XKR4: variants seen among roughly 807,000 people sequenced by gnomAD.
XKR4 encodes the protein XK related 4.
In XKR4, 12 loss-of-function variants were observed where a neutral mutation model predicts 53.9. The ratio of observed to expected loss-of-function variants is 0.22; its 90% CI spans 0.14 to 0.36. XKR4 has a LOEUF of 0.36. XKR4 is among the 10% of genes least tolerant of loss of function. The probability of loss-of-function intolerance (pLI) is 1.00; values close to 1 mark genes in which losing one functional copy is unlikely to be tolerated. For missense variants in XKR4, 799 were observed against 859.5 expected (o/e 0.93, Z 0.88); for synonymous variants, 354 against 362.4 (o/e 0.98, Z 0.26).
intron 1 of XKR4, among the ~76,000 whole-genome samples, chr8:55,352,829 G>A (rs935023297): frequency 7.9e-5 from 12 of 152,086 alleles, no homozygotes; most frequent in African/African-American, 2.7e-4. Flanking sequence ...TAAAGGGAGA[G>A]GAAAAGAAAT....
At chr8:55,421,523 G>T (rs1416309476) in intron 2 of XKR4, among the ~76,000 whole-genome samples, 2 of 151,874 alleles carry the variant, frequency 1.3e-5, no homozygotes, top group African/African-American at 4.8e-5. Context: ...TCGCACCTTG[G>T]CATCTCTCTC....
chr8:55,478,874 A>G (rs1806049814), intron 2 of XKR4, among the ~76,000 whole-genome samples: 1 of 152,148 alleles, frequency 6.6e-6, no homozygotes, highest in African/African-American at 2.4e-5. Context: ...TATGCACCCA[A>G]TACAGGAGCA....
chr8:55,197,456 A>G (rs1405636954), intron 1 of XKR4, among the ~76,000 whole-genome samples: 1 of 152,226 alleles, frequency 6.6e-6, no homozygotes, highest in Non-Finnish European at 1.5e-5. Flanking sequence ...ATGTGATTAC[A>G]TGAATGGATA....
At chr8:55,240,834 G>C (rs1171587489) in intron 1 of XKR4, among the ~76,000 whole-genome samples, 4 of 152,184 alleles carry the variant, frequency 2.6e-5, no homozygotes, top group Non-Finnish European at 5.9e-5. Context: ...ATGAAGAAAT[G>C]ATTGAGTTGC....
At chr8:55,429,646 A>G (rs908026770) in intron 2 of XKR4, among the ~76,000 whole-genome samples, 3 of 152,060 alleles carry the variant, frequency 2.0e-5, no homozygotes, top group African/African-American at 7.2e-5. Context: ...TAGAAGGATC[A>G]CTTGAACCCA....
chr8:55,282,319 A>T (rs1189113994), intron 1 of XKR4, among the ~76,000 whole-genome samples: 1 of 152,188 alleles, frequency 6.6e-6, no homozygotes, highest in African/African-American at 2.4e-5. Flanking sequence ...TTTGTGGTGT[A>T]TCTTAGTCAA....
intron 1 of XKR4, among the ~76,000 whole-genome samples, chr8:55,246,598 G>A (rs950697846): frequency 5.9e-5 from 9 of 151,970 alleles, no homozygotes; most frequent in African/African-American, 1.9e-4. Flanking sequence ...TAGCATGCAC[G>A]TTTTCCTTTG....
In XKR4 at chr8:55,524,110, G is replaced by C; in HGVS notation, c.1836G>C (p.Leu612Phe). 1 of 1,614,208 alleles carries C rather than the reference G, an allele frequency of 6.2e-7. No individual in the cohort carries two copies. Residue 612 changes from leucine (L) to phenylalanine (F), a missense_variant, in exon 3 of 3, where the codon TTG (leucine) becomes TTC (phenylalanine). Around this residue, in one of 3 missense-constraint regions of XKR4, gnomAD observed 269 missense variants for 264.4 expected, o/e 1.02. Coordinates refer to ENST00000327381, the MANE Select transcript of XKR4 (RefSeq NM_052898.2). ...NRYPAWERHV[L>F]DRSLRKAILA... ...ACCCAGCATGGGAGAGACATGTTTTGGACCGAAGCCTCCGAAAGGCTATTT... is the reference window on the plus strand; with the variant it reads ...ACCCAGCATGGGAGAGACATGTTTTCGACCGAAGCCTCCGAAAGGCTATTT...
At chr8:55,171,868 T>C (rs1023239554) in intron 1 of XKR4, among the ~76,000 whole-genome samples, 8 of 152,184 alleles carry the variant, frequency 5.3e-5, no homozygotes, top group Non-Finnish European at 8.8e-5. Flanking sequence ...ACCTGCACTA[T>C]GGCCACTGCT....
intron 2 of XKR4, among the ~76,000 whole-genome samples, chr8:55,491,852 A>G (rs1806277298): frequency 6.6e-6 from 1 of 152,122 alleles, no homozygotes. Flanking sequence ...AGCTCTGAGA[A>G]TTGTTCCGTT....
chr8:55,158,955 A>C (rs114312234), intron 1 of XKR4, among the ~76,000 whole-genome samples: 4,626 of 152,198 alleles, frequency 0.03, 183 homozygotes, highest in East Asian at 0.12. Context: ...ATTACCTCGG[A>C]CATTCTGGCT....
At chr8:55,452,971 G>C (rs926047356) in intron 2 of XKR4, 54 of 728,320 alleles carry the variant, frequency 7.4e-5, no homozygotes, top group Middle Eastern at 2.4e-4. Context: ...TCACCGCTCA[G>C]GGATGGCCAC....
chr8:55,115,381 T>TACACACAC lies in XKR4; in HGVS notation c.806+12103_806+12110dup, dbSNP rs34839811. ...TGGAAACTTAACAGTGATAGGTGCATACACACACACACACACACACACAAA... is the reference window on the plus strand; with the variant it reads ...TGGAAACTTAACAGTGATAGGTGCATACACACACACACACACACACACACACACACAAA... On this transcript the variant is annotated intron_variant, in intron 1 of 2. Transcript: ENST00000327381. 6.7e-4 allele frequency among the ~76,000 whole-genome samples: 100 copies of TACACACAC among 149,710 alleles called. 1 individual carries two copies. The East Asian group carries it at 0.016, about 24-fold the overall frequency.
At chr8:55,443,777 G>A (rs1173982457) in intron 2 of XKR4, among the ~76,000 whole-genome samples, 3 of 147,078 alleles carry the variant, frequency 2.0e-5, no homozygotes, top group Non-Finnish European at 4.5e-5. Context: ...GGAGGCGGAG[G>A]TTTCAGTGAG....
intron 2 of XKR4, among the ~76,000 whole-genome samples, chr8:55,494,551 T>C (rs752038892): frequency 2.0e-5 from 3 of 152,116 alleles, no homozygotes; most frequent in Non-Finnish European, 4.4e-5. Context: ...TATTAAGTGA[T>C]AGAACAGCTC....
chr8:55,278,517 T>C (rs1818795958), intron 1 of XKR4, among the ~76,000 whole-genome samples: 1 of 152,176 alleles, frequency 6.6e-6, no homozygotes. Context: ...AATTTTTAAA[T>C]TGTTTTTTAC....
intron 1 of XKR4, among the ~76,000 whole-genome samples, chr8:55,292,811 T>G (rs1585991946): frequency 6.6e-6 from 1 of 152,334 alleles, no homozygotes; most frequent in African/African-American, 2.4e-5. Context: ...CTATGTGTCA[T>G]AAATTTGGAA....
chr8:55,505,564 T>A (rs947939622), intron 2 of XKR4, among the ~76,000 whole-genome samples: 6 of 152,082 alleles, frequency 3.9e-5, no homozygotes, highest in Non-Finnish European at 7.4e-5. Context: ...AACAAACAAA[T>A]TTTTAAAAAA....
chr8:55,248,753 CT>C lies in XKR4; in HGVS notation c.807-108916del, dbSNP rs537561135. On this transcript the variant is annotated intron_variant, in intron 1 of 2. Transcript: ENST00000327381. Reference sequence around the variant, plus strand: ...TTAATATTCTTTCATGTAAGTTAAACTTTTTTTTTCTGTATTTCTCGGCTTT... The same window carrying C: ...TTAATATTCTTTCATGTAAGTTAAACTTTTTTTTCTGTATTTCTCGGCTTT... Among the ~76,000 whole-genome samples the C allele has an allele frequency of 4.7e-3, 707 of 151,680 alleles. 6 individuals carry two copies. The highest frequency in any genetic ancestry group is 0.016 in the African/African-American group (657 of 41,338).
Sources: gnomAD v4.1 joint callset for allele counts (sites outside exome capture counted in the v4.1 genomes callset) on GRCh38, gnomAD v4.1.1 for gene constraint, gnomAD v4.1.1 regional missense constraint, MANE v1.5 for transcripts, NCBI Gene and HGNC (gene_info 2026-07-23, HGNC 2026-07-21) for gene names.